The following DLGAP1 variants were observed in gnomAD, a reference collection of about 807,000 sequenced individuals.
DLGAP1 encodes the protein DLG associated protein 1, also known as disks large-associated protein 1.
A neutral mutation model predicts 90.8 loss-of-function variants in DLGAP1; 11 were observed. The observed-to-expected ratio is 0.12, with a 90% CI of 0.08 to 0.20. DLGAP1 has a LOEUF of 0.20. DLGAP1 is among the 10% of genes least tolerant of loss of function. The pLI, the probability that DLGAP1 is intolerant of heterozygous loss-of-function variation, is 1.00. For missense variants in DLGAP1, 1,050 were observed against 1,333.8 expected (o/e 0.79, Z 3.31); for synonymous variants, 558 against 540.7 (o/e 1.03, Z -0.44).
At chr18:4,202,369 C>A (rs1034913991) in intron 1 of DLGAP1, among the ~76,000 whole-genome samples, 3 of 152,014 alleles carry the variant, frequency 2.0e-5, no homozygotes, top group African/African-American at 7.2e-5. Flanking sequence ...AAGGGAGATT[C>A]CAAAATTACC....
At chr18:3,784,976 A>T (rs925865121) in intron 5 of DLGAP1, among the ~76,000 whole-genome samples, 8 of 152,126 alleles carry the variant, frequency 5.3e-5, no homozygotes, top group Admixed American at 4.6e-4. Context: ...GGTTTGTAAA[A>T]TGAAAACCCA....
intron 7 of DLGAP1, among the ~76,000 whole-genome samples, chr18:3,629,498 T>C (rs867667897): frequency 1.5e-4 from 22 of 151,638 alleles, no homozygotes; most frequent in Admixed American, 2.0e-4. Context: ...GCTGAAACCC[T>C]GTCTCTACTA....
chr18:4,145,958 C>T (rs960407595), intron 2 of DLGAP1, among the ~76,000 whole-genome samples: 10 of 152,118 alleles, frequency 6.6e-5, no homozygotes, highest in African/African-American at 2.4e-4. Flanking sequence ...TGTATAGAAC[C>T]AGAGCTATCC....
chr18:3,687,433 A>G lies in DLGAP1; in HGVS notation c.1591+41702T>C, dbSNP rs533503921. Among the ~76,000 whole-genome samples the G allele has an allele frequency of 1.3e-3, 203 of 152,344 alleles. 3 individuals carry two copies. Among genetic ancestry groups the G allele is most frequent in the South Asian group, 4.4e-3 (21 of 4,822 alleles). ...CCAATAATGTAAGCATACGCCAACA[A>G]CATAATAAAATGTTGACTTGCTTTG... On this transcript the variant is annotated intron_variant, in intron 7 of 12. Coordinates refer to ENST00000315677, the MANE Select transcript of DLGAP1 (RefSeq NM_004746.4).
At chr18:3,707,079 C>T (rs1398455717) in intron 7 of DLGAP1, among the ~76,000 whole-genome samples, 1 of 152,034 alleles carries the variant, frequency 6.6e-6, no homozygotes, top group East Asian at 1.9e-4. Flanking sequence ...TGTTAAGGGA[C>T]TGATTAATTA....
intron 1 of DLGAP1, among the ~76,000 whole-genome samples, chr18:4,420,168 A>G (rs1260581442): frequency 1.3e-5 from 2 of 152,228 alleles, no homozygotes; most frequent in East Asian, 3.8e-4. Context: ...TGTACCCTAG[A>G]GCTTTAAAAG....
rs565882823 is a variant in DLGAP1 at position 3,623,935 on chromosome 18, C to G, written c.1592-41687G>C. ...CCCCTCCTGCCTGCATTCATCTGAC[C>G]GGTTCAGTGGGATCTGGTACTTTTC... is the stretch of plus-strand genomic sequence containing the variant. On this transcript the variant is annotated intron_variant, in intron 7 of 12. Transcript: ENST00000315677. Among the ~76,000 whole-genome samples the G allele has an allele frequency of 2.0e-5, 3 of 152,240 alleles. No individual in the cohort carries two copies. In the South Asian group the frequency reaches 6.2e-4, roughly 32 times the overall value.
intron 1 of DLGAP1, among the ~76,000 whole-genome samples, chr18:4,299,153 G>A (rs944250753): frequency 2.0e-5 from 3 of 150,226 alleles, no homozygotes; most frequent in Admixed American, 6.6e-5. Context: ...CACTGAATCC[G>A]AAGTTCTGGG....
chr18:3,571,805 C>T (rs1048819155), intron 8 of DLGAP1, among the ~76,000 whole-genome samples: 79 of 152,210 alleles, frequency 5.2e-4, no homozygotes, highest in African/African-American at 1.8e-3. Flanking sequence ...GGATTACAGG[C>T]GTGAGCCAAT....
rs912413049 is a variant in DLGAP1 at position 3,690,319 on chromosome 18, T to C, written c.1591+38816A>G. Among the ~76,000 whole-genome samples the C allele has an allele frequency of 7.9e-5, 12 of 152,028 alleles. 1 individual carries two copies. The highest frequency in any genetic ancestry group is 1.6e-4 in the Non-Finnish European group (11 of 68,014). On this transcript the variant is annotated intron_variant, in intron 7 of 12. Transcript: ENST00000315677. ...TCAGGCTAGTCTCAAATTCCTGGGC[T>C]CAAGCGATCTGTCCCCTACGGCCTC...
chr18:4,058,186 T>A (rs1057017659), intron 2 of DLGAP1, among the ~76,000 whole-genome samples: 4 of 152,204 alleles, frequency 2.6e-5, no homozygotes, highest in Non-Finnish European at 2.9e-5. Flanking sequence ...CTGTGTATAT[T>A]TGAAATGGCC....
chr18:3,938,611 G>C (rs1334104601), intron 3 of DLGAP1, among the ~76,000 whole-genome samples: 1 of 152,208 alleles, frequency 6.6e-6, no homozygotes, highest in Non-Finnish European at 1.5e-5. Context: ...GTGCCCAGGA[G>C]AATGTCAGAT....
At chr18:3,913,485 C>G (rs2148899155) in intron 3 of DLGAP1, among the ~76,000 whole-genome samples, 1 of 152,286 alleles carries the variant, frequency 6.6e-6, no homozygotes, top group Non-Finnish European at 1.5e-5. Context: ...GTTTATCACT[C>G]TACATGGAAT....
intron 10 of DLGAP1, among the ~76,000 whole-genome samples, chr18:3,524,912 T>C (rs574389003): frequency 9.9e-5 from 15 of 152,202 alleles, no homozygotes; most frequent in Non-Finnish European, 2.1e-4. Flanking sequence ...AACGTCTCCA[T>C]AGAAAACGTG....
chr18:4,168,056 G>A (rs551059027), intron 1 of DLGAP1, among the ~76,000 whole-genome samples: 178 of 152,214 alleles, frequency 1.2e-3, no homozygotes, highest in Non-Finnish European at 2.3e-3. Flanking sequence ...TCAAAATCTT[G>A]TCAAGGTCCT....
At chr18:3,605,868 C>A (rs1233973827) in intron 7 of DLGAP1, among the ~76,000 whole-genome samples, 1 of 151,950 alleles carries the variant, frequency 6.6e-6, no homozygotes, top group African/African-American at 2.4e-5. Context: ...TAGCCGTAAA[C>A]AAAAACCAAA....
intron 7 of DLGAP1, among the ~76,000 whole-genome samples, chr18:3,651,204 C>T (rs970936553): frequency 1.3e-5 from 2 of 151,634 alleles, no homozygotes; most frequent in Admixed American, 1.3e-4. Flanking sequence ...ACTAAAAATA[C>T]AAAAATTAGC....
intron 5 of DLGAP1, among the ~76,000 whole-genome samples, chr18:3,749,466 A>G (rs980213373): frequency 2.6e-5 from 4 of 151,682 alleles, no homozygotes; most frequent in African/African-American, 7.3e-5. Flanking sequence ...ATCTCCTTCT[A>G]TTTCTTGGGG....
Position 3,843,453 on chromosome 18 carries a change from G to A in DLGAP1, c.958-29180C>T, listed in dbSNP as rs775278086. Among the ~76,000 whole-genome samples the A allele has an allele frequency of 3.9e-5, 6 of 152,210 alleles. No homozygotes were observed. In the East Asian group the frequency reaches 7.7e-4, roughly 20 times the overall value. On this transcript the variant is annotated intron_variant, in intron 4 of 12. Transcript: ENST00000315677. ...GGCAGGAAATAGAAGACAACATTGCGGTGGTTACAAAAATTTGTTTCCTAG... is the reference window on the plus strand; with the variant it reads ...GGCAGGAAATAGAAGACAACATTGCAGTGGTTACAAAAATTTGTTTCCTAG...
Sources: gnomAD v4.1 joint callset for allele counts (sites outside exome capture counted in the v4.1 genomes callset) on GRCh38, gnomAD v4.1.1 for gene constraint, MANE v1.5 for transcripts, NCBI Gene and HGNC (gene_info 2026-07-23, HGNC 2026-07-21) for gene names.